The following ADAMTS18 variants were observed in gnomAD, a reference collection of about 807,000 sequenced individuals.
The protein encoded by ADAMTS18 is A disintegrin and metalloproteinase with thrombospondin motifs 18.
ADAMTS18 carries 157 observed loss-of-function variants against 165.9 expected under a neutral mutation model. The observed-to-expected ratio is 0.95, with a 90% CI of 0.83 to 1.08. The LOEUF (loss-of-function observed/expected upper bound fraction) is 1.08, where lower values mean the gene tolerates loss of function less well. ADAMTS18 is among the 50% of genes least tolerant of loss of function. ADAMTS18 has a pLI of 0.00. For synonymous variants in ADAMTS18, 782 were observed against 578.2 expected, an observed-to-expected ratio of 1.35 and a Z score of -5.06; for missense variants, 2,040 against 1,534.0, an observed-to-expected ratio of 1.33 and a Z score of -5.51.
rs565208164 is a variant in ADAMTS18 at position 77,361,986 on chromosome 16, A to G, written c.1216+119T>C. On this transcript the variant is annotated intron_variant, in intron 7 of 22. Coordinates refer to ENST00000282849, the MANE Select transcript of ADAMTS18 (RefSeq NM_199355.4). ...ACCACAGGGTACATTAGGTTACTCCATAATTTAAATATTATGTCTGTTTAT... is the reference window on the plus strand; with the variant it reads ...ACCACAGGGTACATTAGGTTACTCCGTAATTTAAATATTATGTCTGTTTAT... 279 of 1,191,728 alleles carry G rather than the reference A, an allele frequency of 2.3e-4. 2 individuals carry two copies. The African/African-American group carries it at 3.1e-3, about 13-fold the overall frequency. The allele number at this position is 1,191,728 out of a possible 1,614,324, so 73.8% of individuals were successfully genotyped here. A position where few individuals can be genotyped will look rare whatever the true frequency, so the allele number is the denominator to read the frequency against.
chr16:77,410,314 C>G (rs1234053488), intron 3 of ADAMTS18, among the ~76,000 whole-genome samples: 1 of 148,888 alleles, frequency 6.7e-6, no homozygotes, highest in African/African-American at 2.5e-5. Context: ...AAAATTCCTA[C>G]AAAGAATCAA....
intron 3 of ADAMTS18, among the ~76,000 whole-genome samples, chr16:77,374,076 C>T (rs941913485): frequency 2.1e-4 from 32 of 151,782 alleles, no homozygotes; most frequent in Non-Finnish European, 4.6e-4. Flanking sequence ...AAAATTAGCC[C>T]GGCGTGGTGG....
intron 16 of ADAMTS18, among the ~76,000 whole-genome samples, chr16:77,317,535 C>T (rs2650902): frequency 0.63 from 95,416 of 152,086 alleles, 30,579 homozygotes; most frequent in Non-Finnish European, 0.67. Context: ...GGTTCCGCCA[C>T]GTTGGCCCAG....
intron 10 of ADAMTS18, among the ~76,000 whole-genome samples, chr16:77,342,843 G>A (rs2056419308): frequency 6.6e-6 from 1 of 152,110 alleles, no homozygotes; most frequent in Non-Finnish European, 1.5e-5. Context: ...TTTTCCAGGT[G>A]GGCCTAACAT....
At chr16:77,294,190 G>T (rs1201654086) in intron 19 of ADAMTS18, among the ~76,000 whole-genome samples, 1 of 152,086 alleles carries the variant, frequency 6.6e-6, no homozygotes, top group Non-Finnish European at 1.5e-5. Flanking sequence ...AGCAGTGGTT[G>T]AGCTATCATC....
At chr16:77,392,097 A>G (rs887197557) in intron 3 of ADAMTS18, among the ~76,000 whole-genome samples, 5 of 152,192 alleles carry the variant, frequency 3.3e-5, no homozygotes, top group African/African-American at 1.2e-4. Flanking sequence ...TCAATTGCTG[A>G]CCACACAGAT....
At chr16:77,334,521 TATATA>T (rs1053210176) in intron 12 of ADAMTS18, among the ~76,000 whole-genome samples, 9 of 112,788 alleles carry the variant, frequency 8.0e-5, no homozygotes, top group Non-Finnish European at 1.3e-4. Context: ...TAGTATATAT[TATATA>T]GTATATATAC....
chr16:77,296,202 G>A (rs1347311978), intron 18 of ADAMTS18, among the ~76,000 whole-genome samples: 2 of 152,116 alleles, frequency 1.3e-5, no homozygotes, highest in Non-Finnish European at 2.9e-5. Flanking sequence ...TAAATCACAT[G>A]AAAGAGACTC....
chr16:77,299,876 T>A (rs1395428571), intron 17 of ADAMTS18, among the ~76,000 whole-genome samples: 1 of 152,144 alleles, frequency 6.6e-6, no homozygotes, highest in Non-Finnish European at 1.5e-5. Context: ...TGACCCTAGC[T>A]TTTATAACTT....
At chr16:77,371,419 T>C (rs767591363) in intron 3 of ADAMTS18, among the ~76,000 whole-genome samples, 13 of 152,080 alleles carry the variant, frequency 8.5e-5, no homozygotes, top group Non-Finnish European at 1.6e-4. Context: ...AAACATGGCA[T>C]AGGAATAAAA....
intron 12 of ADAMTS18, among the ~76,000 whole-genome samples, chr16:77,333,142 G>A (rs925467171): frequency 6.6e-5 from 10 of 152,120 alleles, no homozygotes; most frequent in South Asian, 2.1e-4. Flanking sequence ...TCACAGTCCC[G>A]TAGAGAATGA....
intron 3 of ADAMTS18, among the ~76,000 whole-genome samples, chr16:77,416,928 T>C (rs559766194): frequency 3.3e-5 from 5 of 152,190 alleles, no homozygotes; most frequent in Admixed American, 3.3e-4. Flanking sequence ...TGTTTTTAAC[T>C]GACCTGGGAG....
chr16:77,330,236 G>T (rs1232984966), intron 12 of ADAMTS18, among the ~76,000 whole-genome samples: 2 of 152,178 alleles, frequency 1.3e-5, no homozygotes, highest in Admixed American at 1.3e-4. Flanking sequence ...AGAGTTAGCA[G>T]ACAATTCTTT....
At chr16:77,397,640 A>G (rs1370878256) in intron 3 of ADAMTS18, among the ~76,000 whole-genome samples, 3 of 152,278 alleles carry the variant, frequency 2.0e-5, no homozygotes, top group Non-Finnish European at 4.4e-5. Flanking sequence ...ATACAAAAAA[A>G]GAGAAAATGT....
intron 2 of ADAMTS18, among the ~76,000 whole-genome samples, chr16:77,434,149 AT>A (rs36037118): frequency 0.47 from 68,908 of 148,026 alleles, 17,164 homozygotes; most frequent in Non-Finnish European, 0.58. Flanking sequence ...TGCAGTTAGG[AT>A]TTTTTTTTTT....
chr16:77,368,611 A>T (rs2056833671), intron 3 of ADAMTS18, among the ~76,000 whole-genome samples: 1 of 151,838 alleles, frequency 6.6e-6, no homozygotes, highest in Non-Finnish European at 1.5e-5. Flanking sequence ...AATGCGGTCT[A>T]TATTGCCCAG....
chr16:77,426,198 T>A (rs1017410526), intron 3 of ADAMTS18, among the ~76,000 whole-genome samples: 14 of 152,224 alleles, frequency 9.2e-5, no homozygotes, highest in African/African-American at 3.4e-4. Context: ...CCTCTAAATT[T>A]TCCCTAACTT....
In ADAMTS18 at chr16:77,434,663, G is replaced by A. The variant is rs913322334; in HGVS notation, c.33C>T (p.Phe11=). ...TCGGCGGGCCCGAACCCGCAGCCGGGAAGGCACACGCGAGCAGGAGGGCGC... is the reference window on the plus strand; with the variant it reads ...TCGGCGGGCCCGAACCCGCAGCCGGAAAGGCACACGCGAGCAGGAGGGCGC... MECALLLACA[F]PAAGSGPPRG... Residue 11 remains phenylalanine, a synonymous_variant, in exon 1 of 23, where the codon TTC becomes TTT. Coordinates refer to ENST00000282849, the MANE Select transcript of ADAMTS18 (RefSeq NM_199355.4). 5.4e-6 allele frequency: 8 copies of A among 1,479,250 alleles called. No homozygotes were observed. The African/African-American group carries it at 7.3e-5, about 14-fold the overall frequency. The allele number at this position is 1,479,250 out of a possible 1,614,324, so 91.6% of individuals were successfully genotyped here. A position where few individuals can be genotyped will look rare whatever the true frequency, so the allele number is the denominator to read the frequency against.
In ADAMTS18 at chr16:77,295,020, A is replaced by G. The variant is rs2055440306; in HGVS notation, c.2909T>C (p.Val970Ala). 1.9e-6 allele frequency: 3 copies of G among 1,614,050 alleles called. No homozygotes were observed. Among genetic ancestry groups the G allele is most frequent in the Non-Finnish European group, 2.5e-6 (3 of 1,180,036 alleles). ...QKKPFQKEEA[V>A]LHSLCPVSTP... ...GCTCACTGGACAGAGAGAATGCAACACTGCTTCCTCCTTTTGGAAGGGCTT... is the reference window on the plus strand; with the variant it reads ...GCTCACTGGACAGAGAGAATGCAACGCTGCTTCCTCCTTTTGGAAGGGCTT... Residue 970 changes from valine to alanine, a missense_variant, in exon 19 of 23, where the codon GTG (valine) becomes GCG (alanine). By Grantham distance (64) the Val-to-Ala change is moderately conservative. Coordinates refer to ENST00000282849, the MANE Select transcript of ADAMTS18 (RefSeq NM_199355.4).
Sources: allele counts gnomAD v4.1 joint callset (sites outside exome capture counted in the v4.1 genomes callset), GRCh38; gene constraint gnomAD v4.1.1; transcripts MANE v1.5; gene names NCBI Gene and HGNC (gene_info 2026-07-23, HGNC 2026-07-21).